Variants in ATP8B4 observed in about 807,000 individuals in gnomAD.
The protein encoded by ATP8B4 is probable phospholipid-transporting ATPase IM.
A neutral mutation model predicts 145.6 loss-of-function variants in ATP8B4; 133 were observed. That is an observed-to-expected ratio of 0.91 (90% CI 0.79 to 1.05). ATP8B4 has a LOEUF of 1.05. ATP8B4 is among the 50% of genes least tolerant of loss of function. The pLI, the probability that ATP8B4 is intolerant of heterozygous loss-of-function variation, is 0.00. For synonymous variants in ATP8B4, 507 were observed against 492.9 expected (o/e 1.03, Z -0.38); for missense variants, 1,458 against 1,425.2 (o/e 1.02, Z -0.37).
At chr15:50,166,984 C>T (rs1459583104) in intron 1 of ATP8B4, among the ~76,000 whole-genome samples, 1 of 152,126 alleles carries the variant, frequency 6.6e-6, no homozygotes, top group Non-Finnish European at 1.5e-5. Flanking sequence ...ACAAGCTGAC[C>T]CTGAACTCCA....
At chr15:50,009,296 CA>C (rs1238067558) in intron 7 of ATP8B4, 1 of 152,662 alleles carries the variant, frequency 6.6e-6, no homozygotes, top group Non-Finnish European at 1.5e-5. Context: ...TTCTTTCTTA[CA>C]AAGATCAACA....
chr15:50,112,726 T>G (rs1429862098), intron 1 of ATP8B4, among the ~76,000 whole-genome samples: 1 of 152,088 alleles, frequency 6.6e-6, no homozygotes, highest in Non-Finnish European at 1.5e-5. Context: ...TGTGTGAGGT[T>G]AAGTACACAG....
At chr15:50,088,504 G>T (rs371526996) in intron 2 of ATP8B4, among the ~76,000 whole-genome samples, 1 of 151,786 alleles carries the variant, frequency 6.6e-6, no homozygotes, top group Non-Finnish European at 1.5e-5. Context: ...CTGTTCCCTC[G>T]CCTGGCATGC....
Position 50,002,135 on chromosome 15 carries a change from C to T in ATP8B4, c.506+18G>A. The T allele has an allele frequency of 6.3e-7, 1 of 1,580,334 alleles. No homozygotes were observed. The highest frequency in any genetic ancestry group is 8.7e-7 in the Non-Finnish European group (1 of 1,153,344). On this transcript the variant is annotated intron_variant, in intron 8 of 27. Transcript: ENST00000284509. ...TAAATTAAAAACCAACCAAATTATT[C>T]TAATTTTAATAACTTACCCATCAAG...
At chr15:50,027,379 G>GTGGATGGATGGATGGA (rs56814126) in intron 6 of ATP8B4, among the ~76,000 whole-genome samples, 39,840 of 148,826 alleles carry the variant, frequency 0.27, 6,111 homozygotes, top group African/African-American at 0.39. Flanking sequence ...GGATGGATGG[G>GTGGATGGATGGATGGA]TGGATGGATG....
In ATP8B4 at chr15:50,115,988, G is replaced by T. The variant is rs146658434; in HGVS notation, c.-43+3135C>A. On this transcript the variant is annotated intron_variant, in intron 1 of 27. Transcript: ENST00000284509. ...TGTTCCCTTTTGTCTCTCTGTGCCA[G>T]TCCAGGCTGTCAGGGATTTTAGGAA... Among the ~76,000 whole-genome samples the T allele has an allele frequency of 2.8e-3, 428 of 152,332 alleles. 3 individuals carry two copies. The highest frequency in any genetic ancestry group is 0.01 in the African/African-American group (418 of 41,580).
At chr15:50,158,274 G>T (rs1253645184) in intron 1 of ATP8B4, among the ~76,000 whole-genome samples, 1 of 149,942 alleles carries the variant, frequency 6.7e-6, no homozygotes, top group African/African-American at 2.5e-5. Flanking sequence ...AGTGAGGAGC[G>T]CCTCTTCCCG....
chr15:50,038,116 G>T (rs980532450), intron 6 of ATP8B4, among the ~76,000 whole-genome samples: 6 of 151,910 alleles, frequency 3.9e-5, no homozygotes, highest in African/African-American at 1.5e-4. Flanking sequence ...ATAAGGGGGG[G>T]ACAGCAAAAA....
chr15:49,867,375 A>C (rs1329222122), intron 25 of ATP8B4, among the ~76,000 whole-genome samples: 1 of 152,172 alleles, frequency 6.6e-6, no homozygotes, highest in Non-Finnish European at 1.5e-5. Flanking sequence ...CCCACTTGTA[A>C]TTTACTGTCC....
intron 23 of ATP8B4, 44 bp downstream of exon 23, chr15:49,897,248 A>G: frequency 1.3e-6 from 2 of 1,501,702 alleles, no homozygotes; most frequent in South Asian, 2.4e-5. Flanking sequence ...TATCATACAA[A>G]AACAAACAAA....
At chr15:49,872,615 A>C (rs977996150) in intron 25 of ATP8B4, among the ~76,000 whole-genome samples, 1 of 152,204 alleles carries the variant, frequency 6.6e-6, no homozygotes, top group African/African-American at 2.4e-5. Context: ...CCACAACCTC[A>C]GTCTATTTCT....
At chr15:50,031,821 T>C (rs1246805996) in intron 6 of ATP8B4, among the ~76,000 whole-genome samples, 1 of 152,078 alleles carries the variant, frequency 6.6e-6, no homozygotes, top group South Asian at 2.1e-4. Flanking sequence ...AGGTCCTTCC[T>C]AGCTGCCTGA....
intron 1 of ATP8B4, among the ~76,000 whole-genome samples, chr15:50,163,743 T>G (rs376289499): frequency 6.6e-6 from 1 of 152,208 alleles, no homozygotes; most frequent in East Asian, 1.9e-4. Flanking sequence ...TAGCCCTCAG[T>G]GGGTCAAGAT....
At chr15:49,991,223 T>A (rs2047021764) in intron 9 of ATP8B4, among the ~76,000 whole-genome samples, 1 of 152,200 alleles carries the variant, frequency 6.6e-6, no homozygotes, top group Admixed American at 6.6e-5. Context: ...TATTTTTCCA[T>A]GTTTTAATTA....
At chr15:50,171,677 C>A (rs1001914242) in intron 1 of ATP8B4, among the ~76,000 whole-genome samples, 2 of 151,898 alleles carry the variant, frequency 1.3e-5, no homozygotes, top group Non-Finnish European at 2.9e-5. Context: ...CAAATCCAAA[C>A]CCCAGCAGAA....
intron 14 of ATP8B4, among the ~76,000 whole-genome samples, chr15:49,950,601 A>AC (rs1567059197): frequency 3.5e-5 from 3 of 86,924 alleles, no homozygotes; most frequent in African/African-American, 1.2e-4. Context: ...AAAAAAAAAA[A>AC]ACAAACAAAC....
chr15:49,942,415 G>C (rs1391665807), intron 14 of ATP8B4, among the ~76,000 whole-genome samples: 1 of 151,910 alleles, frequency 6.6e-6, no homozygotes, highest in Non-Finnish European at 1.5e-5. Flanking sequence ...GAAACTTGGG[G>C]AGGAGGTATT....
intron 3 of ATP8B4, among the ~76,000 whole-genome samples, chr15:50,068,338 T>C (rs147415764): frequency 1.4e-4 from 22 of 152,186 alleles, no homozygotes; most frequent in African/African-American, 4.8e-4. Context: ...ATGAACACTT[T>C]GGAAAATCCA....
chr15:49,904,424 A>G (rs908780891), intron 20 of ATP8B4, among the ~76,000 whole-genome samples: 1 of 152,232 alleles, frequency 6.6e-6, no homozygotes, highest in African/African-American at 2.4e-5. Context: ...GTCAAAATAG[A>G]TCATGAAAAC....
Sources: gnomAD v4.1 joint callset for allele counts (sites outside exome capture counted in the v4.1 genomes callset) on GRCh38, gnomAD v4.1.1 for gene constraint, MANE v1.5 for transcripts, NCBI Gene and HGNC (gene_info 2026-07-23, HGNC 2026-07-21) for gene names.